C5orf63: variants seen among roughly 807,000 people sequenced by gnomAD.
C5orf63 encodes glutaredoxin-like protein C5orf63.
Under a neutral mutation model 13.3 loss-of-function variants are expected in C5orf63, and 18 were observed. That is an observed-to-expected ratio of 1.36 (90% confidence interval 0.94 to 2.01). C5orf63 has a LOEUF of 2.01. Ranked by LOEUF, C5orf63 falls within the 30% of genes most tolerant of loss-of-function variation. C5orf63 has a pLI of 0.00. For missense variants in C5orf63, 118 were observed against 127.7 expected (o/e 0.92, Z 0.36); for synonymous variants, 38 against 44.7 (o/e 0.85, Z 0.60).
downstream of C5orf63, chr5:127,047,557 C>T: frequency 1.7e-6 from 1 of 602,242 alleles, no homozygotes; most frequent in Non-Finnish European, 3.0e-6. Context: ...TATTGAAGAG[C>T]TATAGGTTAA....
At chr5:127,049,045 G>C (rs529059992), downstream of C5orf63, among the ~76,000 whole-genome samples, 24 of 152,176 alleles carry the variant, frequency 1.6e-4, no homozygotes, top group Non-Finnish European at 3.1e-4. Flanking sequence ...TGGTTGTATT[G>C]AGAGTGGGAT....
At chr5:127,067,183 T>C (rs1754362595) in intron 2 of C5orf63, among the ~76,000 whole-genome samples, 1 of 152,182 alleles carries the variant, frequency 6.6e-6, no homozygotes, top group Non-Finnish European at 1.5e-5. Context: ...AAGGCAAAAG[T>C]TGATTGGGTA....
intron 2 of C5orf63, 142 bp downstream of exon 2, chr5:127,071,442 G>A (rs1352346063): frequency 2.0e-5 from 3 of 152,176 alleles, no homozygotes; most frequent in African/African-American, 7.2e-5. Context: ...TAGGGATGTG[G>A]AATCATGTCT....
chr5:127,067,038 C>T (rs1754358443), intron 2 of C5orf63, among the ~76,000 whole-genome samples: 1 of 152,160 alleles, frequency 6.6e-6, no homozygotes, highest in African/African-American at 2.4e-5. Context: ...TCTAATGTTG[C>T]TTCAAAGGAA....
intron 3 of C5orf63, 121 bp downstream of exon 3, chr5:127,058,761 T>C (rs1369999482): frequency 6.2e-6 from 4 of 640,396 alleles, no homozygotes; most frequent in Admixed American, 2.8e-5. Flanking sequence ...GTTGTGCTGA[T>C]AGAAAAATTG....
At chr5:127,069,739 T>G (rs12655928) in intron 2 of C5orf63, among the ~76,000 whole-genome samples, 3,120 of 152,238 alleles carry the variant, frequency 0.02, 78 homozygotes, top group South Asian at 0.12. Flanking sequence ...CATCCCTCAG[T>G]TATGTGGGAT....
At chr5:127,072,627 C>T (rs1430404685) in intron 1 of C5orf63, among the ~76,000 whole-genome samples, 5 of 151,820 alleles carry the variant, frequency 3.3e-5, no homozygotes, top group African/African-American at 7.3e-5. Flanking sequence ...CAAGCTAAGG[C>T]CATACTATGG....
chr5:127,059,605 G>A (rs1226623131), intron 2 of C5orf63, among the ~76,000 whole-genome samples: 1 of 151,860 alleles, frequency 6.6e-6, no homozygotes, highest in Non-Finnish European at 1.5e-5. Context: ...GTGTACACCT[G>A]TAGTCCCAGC....
intron 3 of C5orf63, among the ~76,000 whole-genome samples, chr5:127,057,437 A>C (rs1753927166): frequency 6.6e-6 from 1 of 152,242 alleles, no homozygotes; most frequent in African/African-American, 2.4e-5. Context: ...TTAGCAAAAA[A>C]AGAAATCAGT....
At chr5:127,067,479 T>C (rs371191029) in intron 2 of C5orf63, among the ~76,000 whole-genome samples, 5 of 152,192 alleles carry the variant, frequency 3.3e-5, no homozygotes, top group Admixed American at 3.3e-4. Context: ...TTCTAAGATA[T>C]GACTGTTTAA....
At chr5:127,070,581 T>C (rs17165228) in intron 2 of C5orf63, among the ~76,000 whole-genome samples, 2,868 of 152,318 alleles carry the variant, frequency 0.019, 53 homozygotes, top group East Asian at 0.091. Context: ...TTTCCTTCAA[T>C]ATTATTTGGG....
downstream of C5orf63, chr5:127,045,093 C>T (rs899630063): frequency 6.6e-6 from 1 of 152,180 alleles, no homozygotes; most frequent in Non-Finnish European, 1.5e-5. Context: ...TTTCAGTTAT[C>T]ATCCCACCAC....
At chr5:127,057,098 C>A (rs1753912337) in intron 3 of C5orf63, among the ~76,000 whole-genome samples, 1 of 152,190 alleles carries the variant, frequency 6.6e-6, no homozygotes, top group Non-Finnish European at 1.5e-5. Flanking sequence ...GATTATTTAA[C>A]TTCTGTGGTT....
chr5:127,046,654 C>T (rs1753526756), downstream of C5orf63: 1 of 152,256 alleles, frequency 6.6e-6, no homozygotes, highest in African/African-American at 2.4e-5. Context: ...CAGGGATAGG[C>T]TTCTGTCCTA....
At chr5:127,067,037 G>C (rs145771241) in intron 2 of C5orf63, among the ~76,000 whole-genome samples, 2 of 152,290 alleles carry the variant, frequency 1.3e-5, no homozygotes, top group East Asian at 3.9e-4. Flanking sequence ...ATCTAATGTT[G>C]CTTCAAAGGA....
At chr5:127,061,564 A>G (rs564743188) in intron 2 of C5orf63, among the ~76,000 whole-genome samples, 2 of 152,364 alleles carry the variant, frequency 1.3e-5, no homozygotes, top group Admixed American at 1.3e-4. Flanking sequence ...AAACAATTTC[A>G]TAACATTCTG....
intron 2 of C5orf63, among the ~76,000 whole-genome samples, chr5:127,065,553 G>A (rs181144786): frequency 9.8e-5 from 15 of 152,286 alleles, no homozygotes; most frequent in Middle Eastern, 3.4e-3. Context: ...AACCTTGAAC[G>A]GGGTAAAGAG....
rs752923934 is a variant in C5orf63, at chr5:127,058,841, C to T, written c.114+41G>A. The T allele has an allele frequency of 1.1e-5, 15 of 1,308,060 alleles. No individual in the cohort carries two copies. The South Asian group carries it at 1.5e-4, about 13-fold the overall frequency. The allele number at this position is 1,308,060 out of a possible 1,614,324, so 81.0% of individuals were successfully genotyped here. On this transcript the variant is annotated intron_variant, in intron 3 of 4. Coordinates refer to ENST00000296662, the MANE Select transcript of C5orf63 (RefSeq NM_001164478.2). ...ACTTTGTCCCTTTTTCTTAAATGTA[C>T]AACTTTCTTCACCCAACAATTTTAC...
At position 127,053,153 on chromosome 5, in the gene C5orf63, T is replaced by C. The variant is rs986654105; in HGVS notation, c.115-484A>G. ...CATTAGGATGGAGTCAGATAGTAAT[T>C]GCCTCATCTTTAAAAAGTAAAACAA... On this transcript the variant is annotated intron_variant, in intron 3 of 4. Transcript: ENST00000296662. Among the ~76,000 whole-genome samples, 5 of 152,176 alleles carry C rather than the reference T, an allele frequency of 3.3e-5. 1 individual carries two copies. The highest frequency in any genetic ancestry group is 3.3e-4 in the Admixed American group (5 of 15,268).
Sources: gnomAD v4.1 joint callset for allele counts (sites outside exome capture counted in the v4.1 genomes callset) on GRCh38, gnomAD v4.1.1 for gene constraint, MANE v1.5 for transcripts, NCBI Gene and HGNC (gene_info 2026-07-23, HGNC 2026-07-21) for gene names.